The following ADAMTSL1 variants were observed in gnomAD, a reference collection of about 807,000 sequenced individuals.
ADAMTSL1 encodes ADAMTS-like protein 1.
Under a neutral mutation model 201.8 loss-of-function variants are expected in ADAMTSL1, and 126 were observed. That is an observed-to-expected ratio of 0.62 (90% CI 0.54 to 0.72). The LOEUF (loss-of-function observed/expected upper bound fraction) is 0.72, where lower values mean the gene tolerates loss of function less well. Ranked by LOEUF, ADAMTSL1 falls within the 30% of genes least tolerant of loss-of-function variation. The probability of loss-of-function intolerance (pLI) is 0.00; values close to 1 mark genes in which losing one functional copy is unlikely to be tolerated. For synonymous variants in ADAMTSL1, 1,121 were observed against 903.4 expected (o/e 1.24, Z -4.32); for missense variants, 2,679 against 2,277.8 (o/e 1.18, Z -3.59).
chr9:18,535,790 C>A (rs564954821), intron 3 of ADAMTSL1, among the ~76,000 whole-genome samples: 12 of 152,254 alleles, frequency 7.9e-5, no homozygotes, highest in African/African-American at 2.9e-4. Flanking sequence ...AAGGGAGAAG[C>A]CCCTTATAAA....
chr9:18,462,553 T>C (rs905864614), intron 2 of ADAMTSL1, among the ~76,000 whole-genome samples: 2 of 152,080 alleles, frequency 1.3e-5, no homozygotes, highest in Admixed American at 1.3e-4. Context: ...GACAGAAAAG[T>C]CCAATTCAGG....
chr9:18,531,251 C>G (rs187578541), intron 2 of ADAMTSL1, among the ~76,000 whole-genome samples: 2 of 152,282 alleles, frequency 1.3e-5, no homozygotes, highest in East Asian at 3.9e-4. Context: ...TCATGAAAAT[C>G]CAGATCACTC....
intron 1 of ADAMTSL1, among the ~76,000 whole-genome samples, chr9:17,967,443 C>T (rs1421493996): frequency 6.6e-6 from 1 of 152,068 alleles, no homozygotes; most frequent in Non-Finnish European, 1.5e-5. Context: ...AGATGGGTAA[C>T]TATAGTAATA....
intron 5 of ADAMTSL1, among the ~76,000 whole-genome samples, chr9:18,632,267 C>T (rs890097036): frequency 2.0e-5 from 3 of 152,190 alleles, no homozygotes; most frequent in East Asian, 1.9e-4. Flanking sequence ...ATTATTAATA[C>T]ATAAACAACT....
intron 2 of ADAMTSL1, among the ~76,000 whole-genome samples, chr9:18,394,195 A>C (rs1817653391): frequency 6.6e-6 from 1 of 152,208 alleles, no homozygotes; most frequent in African/African-American, 2.4e-5. Flanking sequence ...GCTGAGAAAC[A>C]ATTGAATAGG....
intron 20 of ADAMTSL1, among the ~76,000 whole-genome samples, chr9:18,801,490 G>A (rs963247308): frequency 3.9e-5 from 6 of 152,238 alleles, no homozygotes; most frequent in Admixed American, 2.0e-4. Flanking sequence ...ACTCAGCCTA[G>A]TACCCAATAG....
intron 1 of ADAMTSL1, among the ~76,000 whole-genome samples, chr9:17,936,593 A>T (rs1827019172): frequency 6.6e-6 from 1 of 152,198 alleles, no homozygotes; most frequent in Non-Finnish European, 1.5e-5. Flanking sequence ...CGCTCAGGCC[A>T]TAAATACCTG....
intron 1 of ADAMTSL1, among the ~76,000 whole-genome samples, chr9:18,030,605 G>A (rs557473349): frequency 5.3e-4 from 81 of 152,034 alleles, no homozygotes; most frequent in African/African-American, 1.6e-3. Flanking sequence ...TGAAAAAGTC[G>A]GATGACTTAT....
chr9:18,393,115 G>A (rs2133231022), intron 2 of ADAMTSL1, among the ~76,000 whole-genome samples: 1 of 152,278 alleles, frequency 6.6e-6, no homozygotes, highest in South Asian at 2.1e-4. Context: ...ATTAGTGGAT[G>A]CATGAATGTG....
intron 2 of ADAMTSL1, among the ~76,000 whole-genome samples, chr9:18,181,202 A>T (rs936807708): frequency 2.0e-5 from 3 of 152,266 alleles, no homozygotes; most frequent in Admixed American, 6.5e-5. Flanking sequence ...AACCTAGGCA[A>T]CACCATTCAG....
chr9:18,523,787 T>C (rs1301681231), intron 2 of ADAMTSL1, among the ~76,000 whole-genome samples: 2 of 140,540 alleles, frequency 1.4e-5, no homozygotes, highest in African/African-American at 2.7e-5. Context: ...CTCTGTTCTG[T>C]TCCATTGATC....
chr9:18,283,140 A>C (rs941892961), intron 2 of ADAMTSL1, among the ~76,000 whole-genome samples: 2 of 152,120 alleles, frequency 1.3e-5, no homozygotes, highest in African/African-American at 4.8e-5. Context: ...TAGGTGCATA[A>C]GTTTATATAC....
intron 2 of ADAMTSL1, among the ~76,000 whole-genome samples, chr9:18,393,093 A>T (rs2791447): frequency 0.18 from 27,113 of 152,152 alleles, 2,659 homozygotes; most frequent in South Asian, 0.25. Flanking sequence ...CTTTGAGTAT[A>T]CTACTCAGGT....
At chr9:18,117,694 A>G (rs979212869) in intron 1 of ADAMTSL1, among the ~76,000 whole-genome samples, 1 of 152,174 alleles carries the variant, frequency 6.6e-6, no homozygotes, top group African/African-American at 2.4e-5. Flanking sequence ...CTGACTATAA[A>G]GTATACTTCT....
At chr9:17,997,368 G>C (rs1411877657) in intron 1 of ADAMTSL1, among the ~76,000 whole-genome samples, 1 of 152,034 alleles carries the variant, frequency 6.6e-6, no homozygotes, top group Non-Finnish European at 1.5e-5. Context: ...GACTGGTGTT[G>C]GTTGTGATGA....
intron 1 of ADAMTSL1, among the ~76,000 whole-genome samples, chr9:17,992,925 G>A (rs1018250766): frequency 6.6e-5 from 10 of 152,022 alleles, no homozygotes; most frequent in Middle Eastern, 3.2e-3. Context: ...TACTGAATTC[G>A]AAAATCAAAC....
chr9:18,477,745 G>C (rs1175259208), intron 1 of ADAMTSL1, among the ~76,000 whole-genome samples: 1 of 152,178 alleles, frequency 6.6e-6, no homozygotes, highest in Non-Finnish European at 1.5e-5. Context: ...ATGTTTTTGT[G>C]AAGTTTCTTG....
At chr9:18,218,184 A>C (rs951603018) in intron 2 of ADAMTSL1, among the ~76,000 whole-genome samples, 1 of 152,236 alleles carries the variant, frequency 6.6e-6, no homozygotes, top group Admixed American at 6.5e-5. Flanking sequence ...GTAGCTGAAG[A>C]TCCAAATATT....
At chr9:18,530,112 C>T (rs966477142) in intron 2 of ADAMTSL1, among the ~76,000 whole-genome samples, 1 of 152,114 alleles carries the variant, frequency 6.6e-6, no homozygotes, top group Non-Finnish European at 1.5e-5. Flanking sequence ...GAAGCAGTAT[C>T]TCTGTAATAA....
Sources: gnomAD v4.1 joint callset for allele counts (sites outside exome capture counted in the v4.1 genomes callset) on GRCh38, gnomAD v4.1.1 for gene constraint, MANE v1.5 for transcripts, NCBI Gene and HGNC (gene_info 2026-07-23, HGNC 2026-07-21) for gene names.